The following DNAI7 variants were observed in gnomAD, a reference collection of about 807,000 sequenced individuals.
The protein encoded by DNAI7 is cancer susceptibility 1.
In DNAI7, 78 loss-of-function variants were observed where a neutral mutation model predicts 86.6. The ratio of observed to expected loss-of-function variants is 0.90; its 90% CI spans 0.75 to 1.09. The LOEUF is 1.09. DNAI7 is among the 50% of genes least tolerant of loss of function. The pLI, the probability that DNAI7 is intolerant of heterozygous loss-of-function variation, is 0.00. For synonymous variants in DNAI7, 274 were observed against 273.0 expected (o/e 1.00, Z -0.04); for missense variants, 753 against 810.2 (o/e 0.93, Z 0.86).
At chr12:25,169,618 C>G (rs1947900491) in intron 2 of DNAI7, among the ~76,000 whole-genome samples, 3 of 152,066 alleles carry the variant, frequency 2.0e-5, no homozygotes, top group Admixed American at 2.0e-4. Flanking sequence ...GAGGCCAAGG[C>G]AGGGGGATCA....
Position 25,144,723 on chromosome 12 carries a change from C to T in DNAI7, c.690-46G>A, listed in dbSNP as rs558773757. 4.9e-6 allele frequency: 7 copies of T among 1,434,520 alleles called. No individual in the cohort carries two copies. In the South Asian group the frequency reaches 6.5e-5, roughly 13 times the overall value. 88.9% of individuals were successfully genotyped at this position (1,434,520 alleles called of 1,614,324 possible). A position where few individuals can be genotyped will look rare whatever the true frequency, so the allele number is the denominator to read the frequency against. On this transcript the variant is annotated intron_variant, in intron 8 of 15. Transcript: ENST00000395987. Reference sequence around the variant, plus strand: ...CAAAAAAAGATGAGACCCTAGGAAACTCTAGATCTGTGTCAAATTTATACC... The same window carrying T: ...CAAAAAAAGATGAGACCCTAGGAAATTCTAGATCTGTGTCAAATTTATACC...
chr12:25,115,663 AAGAT>A (rs1939941476), intron 12 of DNAI7, among the ~76,000 whole-genome samples: 1 of 152,234 alleles, frequency 6.6e-6, no homozygotes, highest in Non-Finnish European at 1.5e-5. Context: ...TATCATCAAA[AAGAT>A]AAATAACAAA....
At position 25,177,789 on chromosome 12, in the gene DNAI7, A is replaced by C. The variant is rs547308812; in HGVS notation, c.21+12825T>G. 2.0e-5 allele frequency among the ~76,000 whole-genome samples: 3 copies of C among 152,306 alleles called. No individual in the cohort carries two copies. In the East Asian group the frequency reaches 5.8e-4, roughly 29 times the overall value. On this transcript the variant is annotated intron_variant, in intron 2 of 15. Transcript: ENST00000395987. ...TCAAATTTACACTCCCACAATTATT[A>C]TCCAAGTCAATATTTGCTAATTTCA... is the stretch of plus-strand genomic sequence containing the variant.
intron 2 of DNAI7, among the ~76,000 whole-genome samples, chr12:25,166,616 T>A (rs1187703662): frequency 6.6e-6 from 1 of 152,142 alleles, no homozygotes; most frequent in Non-Finnish European, 1.5e-5. Context: ...TCCCTGCTGA[T>A]CGTGTCCGGC....
intron 9 of DNAI7, among the ~76,000 whole-genome samples, chr12:25,133,743 G>A (rs562203054): frequency 6.6e-6 from 1 of 152,288 alleles, no homozygotes; most frequent in South Asian, 2.1e-4. Context: ...GGGTGGTGGT[G>A]AGATATGTTC....
chr12:25,160,417 G>A (rs980817371), intron 3 of DNAI7, among the ~76,000 whole-genome samples: 1 of 152,122 alleles, frequency 6.6e-6, no homozygotes, highest in African/African-American at 2.4e-5. Flanking sequence ...ACTCCACCCT[G>A]ACTCATTCTG....
intron 4 of DNAI7, among the ~76,000 whole-genome samples, chr12:25,156,733 T>A (rs1946225125): frequency 6.6e-6 from 1 of 151,622 alleles, no homozygotes; most frequent in Non-Finnish European, 1.5e-5. Context: ...AGAACAAGAC[T>A]CTGTCTCAAA....
chr12:25,115,720 T>C (rs1326585572), intron 12 of DNAI7, among the ~76,000 whole-genome samples: 3 of 152,206 alleles, frequency 2.0e-5, no homozygotes, highest in African/African-American at 4.8e-5. Context: ...CTGGCAGACA[T>C]GTAAAATGGT....
At chr12:25,109,356 G>A (rs1181521716) in intron 15 of DNAI7, among the ~76,000 whole-genome samples, 1 of 152,190 alleles carries the variant, frequency 6.6e-6, no homozygotes, top group African/African-American at 2.4e-5. Context: ...GGGGCTGTAA[G>A]TCACAGATAT....
intron 2 of DNAI7, among the ~76,000 whole-genome samples, chr12:25,173,783 A>T (rs1332198208): frequency 2.0e-5 from 3 of 151,448 alleles, no homozygotes; most frequent in African/African-American, 7.3e-5. Flanking sequence ...ATATATATAC[A>T]CACATCATAT....
Position 25,174,698 on chromosome 12 carries a change from G to GGAATATAT in DNAI7, c.22-13502_22-13501insATATATTC, listed in dbSNP as rs1948753126. Among the ~76,000 whole-genome samples, 6 of 79,384 alleles carry GGAATATAT rather than the reference G, an allele frequency of 7.6e-5. 1 individual carries two copies. Among genetic ancestry groups the GGAATATAT allele is most frequent in the African/African-American group, 1.6e-4 (3 of 18,806 alleles). 52.1% of individuals were successfully genotyped at this position (79,384 alleles called of 152,430 possible). On this transcript the variant is annotated intron_variant, in intron 2 of 15. Transcript: ENST00000395987. ...ATATATCATATATATATGGAATATA[G>GGAATATAT]ATATCATACATATGGAATATATATA...
intron 14 of DNAI7, among the ~76,000 whole-genome samples, chr12:25,110,795 A>C (rs2140332154): frequency 6.6e-6 from 1 of 152,214 alleles, no homozygotes; most frequent in South Asian, 2.1e-4. Flanking sequence ...TTTTTAACAT[A>C]CTAATCATTT....
chr12:25,170,708 A>G (rs1173348725), intron 2 of DNAI7, among the ~76,000 whole-genome samples: 1 of 152,242 alleles, frequency 6.6e-6, no homozygotes. Flanking sequence ...AACTTTCTCC[A>G]AGATAGATCA....
intron 15 of DNAI7, among the ~76,000 whole-genome samples, chr12:25,109,505 G>A (rs746448855): frequency 6.6e-5 from 10 of 152,098 alleles, no homozygotes; most frequent in Non-Finnish European, 1.2e-4. Context: ...TTCCACCTCA[G>A]CCTCCCAAGT....
intron 2 of DNAI7, among the ~76,000 whole-genome samples, chr12:25,166,599 C>G (rs926454381): frequency 1.3e-5 from 2 of 152,104 alleles, no homozygotes; most frequent in Non-Finnish European, 2.9e-5. Context: ...CATAAAGACA[C>G]GTGCTCTCCC....
rs374788886 is a variant in DNAI7, at chr12:25,123,221, A to C, written c.1068T>G (p.Thr356=). The change falls in exon 10 of 16, where the codon ACT becomes ACG. Residue 356 remains threonine (T), a synonymous_variant. Transcript: ENST00000395987. ...TGTAATTTAGAATACCTGCTGAAACAGTTTCACTTAATACTTTCATCTCTC... is the reference window on the plus strand; with the variant it reads ...TGTAATTTAGAATACCTGCTGAAACCGTTTCACTTAATACTTTCATCTCTC... ...CEREMKVLSE[T]VSAAQLLLVE... 1.9e-5 allele frequency: 31 copies of C among 1,589,800 alleles called. No individual in the cohort carries two copies. The highest frequency in any genetic ancestry group is 2.7e-5 in the Non-Finnish European group (31 of 1,164,672).
intron 4 of DNAI7, among the ~76,000 whole-genome samples, chr12:25,157,218 C>T (rs1008502578): frequency 2.8e-5 from 4 of 140,618 alleles, no homozygotes; most frequent in African/African-American, 1.1e-4. Flanking sequence ...GCGGAGCTTG[C>T]AGAGAGCAGA....
chr12:25,151,526 C>T (rs1945540163), intron 6 of DNAI7, among the ~76,000 whole-genome samples: 1 of 152,182 alleles, frequency 6.6e-6, no homozygotes, highest in South Asian at 2.1e-4. Context: ...CTTCTGACTC[C>T]TCATTCTTGT....
chr12:25,133,495 G>C (rs1485680598), intron 9 of DNAI7, among the ~76,000 whole-genome samples: 1 of 152,134 alleles, frequency 6.6e-6, no homozygotes, highest in Non-Finnish European at 1.5e-5. Context: ...AAGTAGTTTT[G>C]TGTTGGGGGA....
Sources: gnomAD v4.1 joint callset for allele counts (sites outside exome capture counted in the v4.1 genomes callset) on GRCh38, gnomAD v4.1.1 for gene constraint, MANE v1.5 for transcripts, NCBI Gene and HGNC (gene_info 2026-07-23, HGNC 2026-07-21) for gene names.